Variants in GRXCR1 observed in about 807,000 individuals in gnomAD.
GRXCR1 encodes glutaredoxin and cysteine rich domain containing 1.
In GRXCR1, 27 loss-of-function variants were observed where a neutral mutation model predicts 27.3. That is an observed-to-expected ratio of 0.99 (90% CI 0.73 to 1.37). The LOEUF (loss-of-function observed/expected upper bound fraction) is 1.37, where lower values mean the gene tolerates loss of function less well. Ranked by LOEUF, GRXCR1 falls within the 40% of genes most tolerant of loss-of-function variation. The pLI is 0.00. For synonymous variants in GRXCR1, 122 were observed against 131.1 expected (o/e 0.93, Z 0.47); for missense variants, 379 against 354.4 (o/e 1.07, Z -0.56).
At chr4:42,955,235 T>C (rs1165648941) in intron 1 of GRXCR1, among the ~76,000 whole-genome samples, 1 of 151,862 alleles carries the variant, frequency 6.6e-6, no homozygotes, top group African/African-American at 2.4e-5. Context: ...GGAAAAAATA[T>C]CTCTCCCTCA....
chr4:42,961,170 G>T (rs1229210831), intron 1 of GRXCR1, among the ~76,000 whole-genome samples: 1 of 151,882 alleles, frequency 6.6e-6, no homozygotes, highest in Non-Finnish European at 1.5e-5. Context: ...TCCCTGCAAA[G>T]AACATGATCT....
At chr4:42,988,530 C>T (rs185724490) in intron 2 of GRXCR1, among the ~76,000 whole-genome samples, 129 of 152,230 alleles carry the variant, frequency 8.5e-4, no homozygotes, top group African/African-American at 2.9e-3. Flanking sequence ...ATAATTCATA[C>T]TGTATTATTA....
At chr4:42,999,162 C>T (rs369896397) in intron 2 of GRXCR1, among the ~76,000 whole-genome samples, 31 of 152,292 alleles carry the variant, frequency 2.0e-4, no homozygotes, top group Middle Eastern at 3.4e-3. Context: ...TTCTTATGAT[C>T]CTTTCTGCCT....
intron 1 of GRXCR1, among the ~76,000 whole-genome samples, chr4:42,921,486 A>T (rs769923769): frequency 6.6e-6 from 1 of 152,090 alleles, no homozygotes; most frequent in East Asian, 1.9e-4. Flanking sequence ...AGGAAATACT[A>T]TGATGGCAGA....
At chr4:42,922,824 C>A (rs116040749) in intron 1 of GRXCR1, among the ~76,000 whole-genome samples, 433 of 152,100 alleles carry the variant, frequency 2.8e-3, no homozygotes, top group African/African-American at 9.2e-3. Flanking sequence ...ACCTAGAGAC[C>A]AATCTTCTTT....
chr4:43,009,414 T>A (rs941196781), intron 2 of GRXCR1, among the ~76,000 whole-genome samples: 1 of 152,230 alleles, frequency 6.6e-6, no homozygotes, highest in Admixed American at 6.5e-5. Flanking sequence ...ACTGTCATCC[T>A]CATCCTATCT....
chr4:43,006,343 G>A (rs1712558000), intron 2 of GRXCR1, among the ~76,000 whole-genome samples: 1 of 152,162 alleles, frequency 6.6e-6, no homozygotes, highest in South Asian at 2.1e-4. Context: ...CGGTGAGCTG[G>A]GCAGAACAGA....
At chr4:42,912,628 T>C (rs1746749764) in intron 1 of GRXCR1, among the ~76,000 whole-genome samples, 1 of 152,172 alleles carries the variant, frequency 6.6e-6, no homozygotes, top group African/African-American at 2.4e-5. Flanking sequence ...GACCATTATA[T>C]ATTCATGTAT....
intron 1 of GRXCR1, among the ~76,000 whole-genome samples, chr4:42,943,615 A>G (rs1289104683): frequency 3.9e-5 from 6 of 152,102 alleles, no homozygotes; most frequent in Admixed American, 3.9e-4. Context: ...AACCAAAGTT[A>G]TGAAAATGAG....
intron 2 of GRXCR1, among the ~76,000 whole-genome samples, chr4:42,999,042 G>A (rs147024109): frequency 3.9e-5 from 6 of 152,218 alleles, no homozygotes; most frequent in East Asian, 1.9e-4. Flanking sequence ...GATAACAACC[G>A]AGGTCCCTGA....
At chr4:42,965,196 T>G (rs538853909) in intron 2 of GRXCR1, among the ~76,000 whole-genome samples, 1 of 152,156 alleles carries the variant, frequency 6.6e-6, no homozygotes, top group African/African-American at 2.4e-5. Context: ...GGCATGCTTC[T>G]TTCCCAGTTG....
At chr4:43,010,049 C>G (rs17534881) in intron 2 of GRXCR1, among the ~76,000 whole-genome samples, 35,521 of 151,914 alleles carry the variant, frequency 0.23, 4,439 homozygotes, top group Admixed American at 0.29. Flanking sequence ...AGGTTGAACT[C>G]TCACTTCATG....
chr4:42,990,256 A>T (rs1577934904), intron 2 of GRXCR1, among the ~76,000 whole-genome samples: 1 of 114,792 alleles, frequency 8.7e-6, no homozygotes, highest in Non-Finnish European at 1.6e-5. Context: ...CAGTGTCGGG[A>T]TCTCGGCTCA....
intron 1 of GRXCR1, among the ~76,000 whole-genome samples, chr4:42,950,836 G>T (rs556002300): frequency 6.6e-6 from 1 of 152,204 alleles, no homozygotes; most frequent in South Asian, 2.1e-4. Context: ...CAGAGAAACA[G>T]AACCAATATA....
At chr4:42,919,178 T>C (rs1473109924) in intron 1 of GRXCR1, among the ~76,000 whole-genome samples, 1 of 152,126 alleles carries the variant, frequency 6.6e-6, no homozygotes, top group East Asian at 1.9e-4. Flanking sequence ...GGCCTATAGT[T>C]CTTCAGGTAA....
chr4:42,907,740 A>C (rs1462420603), intron 1 of GRXCR1, among the ~76,000 whole-genome samples: 1 of 152,304 alleles, frequency 6.6e-6, no homozygotes, highest in Middle Eastern at 3.4e-3. Flanking sequence ...CTAGATTACT[A>C]TCATGATGAG....
chr4:42,997,727 G>A (rs545301732), intron 2 of GRXCR1, among the ~76,000 whole-genome samples: 1 of 152,288 alleles, frequency 6.6e-6, no homozygotes, highest in African/African-American at 2.4e-5. Context: ...GCCCACTGAA[G>A]TTATTTAAAG....
chr4:43,027,992 C>T lies in GRXCR1; in HGVS notation c.694-2369C>T, dbSNP rs1266994813. Among the ~76,000 whole-genome samples, 3 of 152,044 alleles carry T rather than the reference C, an allele frequency of 2.0e-5. No individual in the cohort carries two copies. In the East Asian group the frequency reaches 5.8e-4, roughly 29 times the overall value. ...GGCGTGGTGACATGCACCTGTAATCCCAGCTTCTTGGGAGGCTGAGGCAGG... is the reference window on the plus strand; with the variant it reads ...GGCGTGGTGACATGCACCTGTAATCTCAGCTTCTTGGGAGGCTGAGGCAGG... On this transcript the variant is annotated intron_variant, in intron 3 of 3. Transcript: ENST00000399770.
chr4:42,900,273 G>T (rs1746431415), intron 1 of GRXCR1, among the ~76,000 whole-genome samples: 1 of 152,062 alleles, frequency 6.6e-6, no homozygotes. Context: ...TCAGTTAAGG[G>T]CATTTTATTT....
Sources: allele counts gnomAD v4.1 joint callset (sites outside exome capture counted in the v4.1 genomes callset), GRCh38; gene constraint gnomAD v4.1.1; transcripts MANE v1.5; gene names NCBI Gene and HGNC (gene_info 2026-07-23, HGNC 2026-07-21).